Variants in ATP6V0A1 observed in about 807,000 individuals in gnomAD.
ATP6V0A1 encodes the protein V-type proton ATPase 116 kDa subunit a 1.
ATP6V0A1 carries 43 observed loss-of-function variants against 105.4 expected under a neutral mutation model. The ratio of observed to expected loss-of-function variants is 0.41; its 90% CI spans 0.32 to 0.53. The LOEUF (loss-of-function observed/expected upper bound fraction) is 0.53, where lower values mean the gene tolerates loss of function less well. Among genes scored for constraint, ATP6V0A1 ranks in the 20% least tolerant of loss-of-function variants. The pLI is 0.30. For synonymous variants in ATP6V0A1, 362 were observed against 372.8 expected, an observed-to-expected ratio of 0.97 and a Z score of 0.33; for missense variants, 676 against 1,051.1, an observed-to-expected ratio of 0.64 and a Z score of 4.93.
chr17:42,467,987 A>G (rs1393544251), intron 3 of ATP6V0A1, 23 bp from the exon 4 acceptor site: 16 of 1,535,862 alleles, frequency 1.0e-5, no homozygotes, highest in Non-Finnish European at 1.3e-5. Context: ...TTAGACATGA[A>G]TGTTTTGATT....
At position 42,495,698 on chromosome 17, in the gene ATP6V0A1, C is replaced by T. The variant is rs2091091346; in HGVS notation, c.1542C>T (p.Tyr514=). Residue 514 remains tyrosine, a synonymous_variant, in exon 14 of 22, where the codon TAC becomes TAT. Coordinates refer to ENST00000343619, the MANE Select transcript of ATP6V0A1 (RefSeq NM_001130021.3). ...TCCCTGGAGTGTTTGGTGGACCATA[C>T]CCTTTTGGCATTGATCCAGTAAGAG... is the stretch of plus-strand genomic sequence containing the variant. ...PALPGVFGGP[Y]PFGIDPIWNI... The T allele has an allele frequency of 1.2e-6, 2 of 1,613,588 alleles. No homozygotes were observed. Among genetic ancestry groups the T allele is most frequent in the South Asian group, 1.1e-5 (1 of 91,074 alleles).
rs1332649860 is a variant in ATP6V0A1 at position 42,513,976 on chromosome 17, C to T, written c.2246C>T (p.Ala749Val). ...LRLWALSLAH[A>V]QLSEVLWTMV... The stretch of plus-strand genomic sequence containing the variant: ...CTCTGGGCCCTCAGCCTCGCTCATG[C>T]GCGTGAGTACCTCTCTCCGGGCTCC... The change falls in exon 20 of 22, where the codon GCG (alanine) becomes GTG (valine). Residue 749 changes from alanine (A) to valine (V), a missense_variant and splice_region_variant. Ala to Val is a moderately conservative substitution (Grantham distance 64). Coordinates refer to ENST00000343619, the MANE Select transcript of ATP6V0A1 (RefSeq NM_001130021.3). 5.0e-6 allele frequency: 8 copies of T among 1,613,022 alleles called. No homozygotes were observed. The highest frequency in any genetic ancestry group is 5.1e-6 in the Non-Finnish European group (6 of 1,178,992).
rs552323576 is a variant in ATP6V0A1, at chr17:42,492,505, G to A, written c.1175-1829G>A. The stretch of plus-strand genomic sequence containing the variant: ...GTGGATCACCTGAGGTCAGGAGTTC[G>A]AGACCAGCCTGACCAACATGGAGAA... On this transcript the variant is annotated intron_variant, in intron 11 of 21. Transcript: ENST00000343619. 5.8e-3 allele frequency among the ~76,000 whole-genome samples: 884 copies of A among 151,652 alleles called. 6 individuals carry two copies. The highest frequency in any genetic ancestry group is 0.01 in the Non-Finnish European group (685 of 67,918).
chr17:42,468,255 G>A, intron 4 of ATP6V0A1, 148 bp downstream of exon 4: 1 of 498,242 alleles, frequency 2.0e-6, no homozygotes, highest in Non-Finnish European at 3.6e-6. Context: ...GATTTTGATA[G>A]ATAATATTTG....
rs1269220687 is a variant in ATP6V0A1, at chr17:42,466,411, T to C, written c.118-18T>C. On this transcript the variant is annotated intron_variant, in intron 2 of 21. Transcript: ENST00000343619. ...GATACAATATTTCAATGTTTGGTAT[T>C]GTGTTTTTATTTTTCAGTTAAATCC... is the stretch of plus-strand genomic sequence containing the variant. 69 of 1,582,236 alleles carry C rather than the reference T, an allele frequency of 4.4e-5. No individual in the cohort carries two copies. Among genetic ancestry groups the C allele is most frequent in the Non-Finnish European group, 5.9e-5 (68 of 1,151,464 alleles).
chr17:42,492,173 A>C (rs556801759), intron 11 of ATP6V0A1, among the ~76,000 whole-genome samples: 1 of 151,404 alleles, frequency 6.6e-6, no homozygotes, highest in South Asian at 2.1e-4. Flanking sequence ...GTTTGAGACC[A>C]GCCTGGCCAA....
At chr17:42,514,592 C>T (rs1011071894) in intron 21 of ATP6V0A1, 132 bp downstream of exon 21, 21 of 921,632 alleles carry the variant, frequency 2.3e-5, no homozygotes, top group South Asian at 2.2e-4. Context: ...ACTAGCTTCA[C>T]CTCAGGACAC....
At chr17:42,513,771 A>G (rs952463801) in intron 19 of ATP6V0A1, 90 bp from the exon 20 acceptor site, 5 of 1,248,996 alleles carry the variant, frequency 4.0e-6, no homozygotes, top group African/African-American at 1.5e-5. Context: ...GCCCTGGCCC[A>G]GGTTCAAAGC....
intron 8 of ATP6V0A1, among the ~76,000 whole-genome samples, chr17:42,482,600 G>T: frequency 6.6e-6 from 1 of 151,198 alleles, no homozygotes; most frequent in Non-Finnish European, 1.5e-5. Context: ...GTCATTTTAC[G>T]TAAGTGTTGA....
Position 42,495,693 on chromosome 17 carries a change from C to T in ATP6V0A1, c.1537C>T (p.Pro513Ser). 1 of 1,613,818 alleles carries T rather than the reference C, an allele frequency of 6.2e-7. No homozygotes were observed. The highest frequency in any genetic ancestry group is 8.5e-7 in the Non-Finnish European group (1 of 1,179,752). The change falls in exon 14 of 22, where the codon CCA becomes TCA. Residue 513 changes from proline to serine, a missense_variant. Around this residue, in one of 3 missense-constraint regions of ATP6V0A1, gnomAD observed 435 missense variants for 642.2 expected, o/e 0.68. Coordinates refer to ENST00000343619, the MANE Select transcript of ATP6V0A1 (RefSeq NM_001130021.3). ...NPALPGVFGG[P>S]YPFGIDPIWN... ...AGCCCTCCCTGGAGTGTTTGGTGGA[C>T]CATACCCTTTTGGCATTGATCCAGT...
At chr17:42,515,657 G>A (rs2092592079) in intron 21 of ATP6V0A1, among the ~76,000 whole-genome samples, 1 of 151,950 alleles carries the variant, frequency 6.6e-6, no homozygotes, top group African/African-American at 2.4e-5. Context: ...GCATGGTGGT[G>A]CATGCCTGGA....
Position 42,499,056 on chromosome 17 carries a change from T to C in ATP6V0A1, c.1679+14T>C, listed in dbSNP as rs2091439616. 1 of 1,538,266 alleles carries C rather than the reference T, an allele frequency of 6.5e-7. No individual in the cohort carries two copies. Among genetic ancestry groups the C allele is most frequent in the Non-Finnish European group, 9.0e-7 (1 of 1,114,152 alleles). On this transcript the variant is annotated intron_variant, in intron 15 of 21. Transcript: ENST00000343619. ...GTTCAACCATATGTGAGTTGTTCCA[T>C]TTCTGTCATAAGAATGTGCATAGTT...
chr17:42,488,754 C>T (rs1417876750), intron 10 of ATP6V0A1, among the ~76,000 whole-genome samples: 1 of 137,308 alleles, frequency 7.3e-6, no homozygotes, highest in Admixed American at 7.7e-5. Context: ...GTGACTCACT[C>T]TTGTAATCCA....
At chr17:42,474,587 G>A (rs957092952) in intron 5 of ATP6V0A1, among the ~76,000 whole-genome samples, 2 of 152,152 alleles carry the variant, frequency 1.3e-5, no homozygotes, top group Non-Finnish European at 1.5e-5. Flanking sequence ...CTGCACATGC[G>A]CGTGCACTTC....
At chr17:42,517,237 G>A (rs540610093) in intron 21 of ATP6V0A1, among the ~76,000 whole-genome samples, 4 of 152,176 alleles carry the variant, frequency 2.6e-5, no homozygotes, top group South Asian at 2.1e-4. Flanking sequence ...CCAAGATCGC[G>A]CCACTGCACT....
chr17:42,469,665 G>A (rs2087617371), intron 4 of ATP6V0A1, among the ~76,000 whole-genome samples: 1 of 150,122 alleles, frequency 6.7e-6, no homozygotes, highest in South Asian at 2.1e-4. Context: ...TTTATGAGAT[G>A]GAGTTTTGCT....
Position 42,520,817 on chromosome 17 carries a change from C to T in ATP6V0A1, c.2421-210C>T, listed in dbSNP as rs920934960. Reference sequence around the variant, plus strand: ...CGGCAGGACAGAGCAAGATTGGGAACTGAGGGCAAATCCCTTCCTCCGTGC... The same window carrying T: ...CGGCAGGACAGAGCAAGATTGGGAATTGAGGGCAAATCCCTTCCTCCGTGC... On this transcript the variant is annotated intron_variant, in intron 21 of 21. Coordinates refer to ENST00000343619, the MANE Select transcript of ATP6V0A1 (RefSeq NM_001130021.3). 4 of 558,462 alleles carry T rather than the reference C, an allele frequency of 7.2e-6. No individual in the cohort carries two copies. The Admixed American group carries it at 1.2e-4, about 17-fold the overall frequency. The allele number at this position is 558,462 out of a possible 1,614,324, so 34.6% of individuals were successfully genotyped here.
chr17:42,479,543 T>TA (rs1229701383), intron 7 of ATP6V0A1, among the ~76,000 whole-genome samples: 1 of 152,256 alleles, frequency 6.6e-6, no homozygotes, highest in Non-Finnish European at 1.5e-5. Flanking sequence ...GTACTAGTAT[T>TA]ATTTAGAAAC....
rs537889198 is a variant in ATP6V0A1 at position 42,478,795 on chromosome 17, C to T, written c.633+206C>T. On this transcript the variant is annotated intron_variant, in intron 7 of 21. Coordinates refer to ENST00000343619, the MANE Select transcript of ATP6V0A1 (RefSeq NM_001130021.3). Reference sequence around the variant, plus strand: ...ATGTATGATGTATACATGACATATACATATTTTCAAGTTTACCCGTGTAGA... The same window carrying T: ...ATGTATGATGTATACATGACATATATATATTTTCAAGTTTACCCGTGTAGA... The T allele has an allele frequency of 1.8e-5, 6 of 326,624 alleles. No individual in the cohort carries two copies. In the East Asian group the frequency reaches 3.1e-4, roughly 17 times the overall value. The allele number at this position is 326,624 out of a possible 1,614,324, so 20.2% of individuals were successfully genotyped here. A position where few individuals can be genotyped will look rare whatever the true frequency, so the allele number is the denominator to read the frequency against.
Sources: gnomAD v4.1 joint callset for allele counts (sites outside exome capture counted in the v4.1 genomes callset) on GRCh38, gnomAD v4.1.1 for gene constraint, gnomAD v4.1.1 regional missense constraint, MANE v1.5 for transcripts, NCBI Gene and HGNC (gene_info 2026-07-23, HGNC 2026-07-21) for gene names.